ILKAP: variants seen among roughly 807,000 people sequenced by gnomAD.
ILKAP encodes the protein integrin-linked kinase-associated serine/threonine phosphatase 2C.
ILKAP carries 11 observed loss-of-function variants against 49.1 expected under a neutral mutation model. The ratio of observed to expected loss-of-function variants is 0.22; its 90% CI spans 0.14 to 0.37. The LOEUF is 0.37. Among genes scored for constraint, ILKAP ranks in the 10% least tolerant of loss-of-function variants. ILKAP has a pLI of 1.00. For synonymous variants in ILKAP, 186 were observed against 192.8 expected (o/e 0.96, Z 0.29); for missense variants, 363 against 510.8 (o/e 0.71, Z 2.79).
rs116056648 is a variant in ILKAP at position 238,184,965 on chromosome 2, G to A, written c.532+216C>T. Among the ~76,000 whole-genome samples, 398 of 152,238 alleles carry A rather than the reference G, an allele frequency of 2.6e-3. 1 individual carries two copies. Among genetic ancestry groups the A allele is most frequent in the African/African-American group, 9.3e-3 (387 of 41,544 alleles). ...TGAACCCAAAGACGATTGACAAAAGGTGCCTATCACTTAGAATCATGAGAA... is the reference window on the plus strand; with the variant it reads ...TGAACCCAAAGACGATTGACAAAAGATGCCTATCACTTAGAATCATGAGAA... On this transcript the variant is annotated intron_variant, in intron 6 of 11. Coordinates refer to ENST00000254654, the MANE Select transcript of ILKAP (RefSeq NM_030768.3).
At chr2:238,198,808 T>G (rs548841074) in intron 1 of ILKAP, among the ~76,000 whole-genome samples, 27 of 152,300 alleles carry the variant, frequency 1.8e-4, no homozygotes, top group Middle Eastern at 3.4e-3. Flanking sequence ...GGGTTGATCA[T>G]ATTCAGGTTA....
intron 10 of ILKAP, among the ~76,000 whole-genome samples, chr2:238,173,207 A>T (rs145734818): frequency 6.6e-6 from 1 of 152,082 alleles, no homozygotes; most frequent in Non-Finnish European, 1.5e-5. Context: ...TCACACTGTC[A>T]CATTTTAATG....
At chr2:238,201,805 GAA>G (rs34058768) in intron 1 of ILKAP, among the ~76,000 whole-genome samples, 22,698 of 152,132 alleles carry the variant, frequency 0.15, 2,205 homozygotes, top group East Asian at 0.36. Flanking sequence ...ATTGACAAGA[GAA>G]AAAAGACTGC....
chr2:238,172,580 GGA>G (rs1480334547), intron 10 of ILKAP, among the ~76,000 whole-genome samples: 1 of 152,212 alleles, frequency 6.6e-6, no homozygotes, highest in Non-Finnish European at 1.5e-5. Flanking sequence ...GGCGGCTGCT[GGA>G]GAGATGATGG....
chr2:238,172,395 C>T (rs182820345), intron 10 of ILKAP, among the ~76,000 whole-genome samples: 71 of 152,342 alleles, frequency 4.7e-4, no homozygotes, highest in Admixed American at 1.6e-3. Flanking sequence ...CGCTACTTGC[C>T]GAGCCTATCG....
intron 4 of ILKAP, among the ~76,000 whole-genome samples, chr2:238,188,916 T>C (rs1694011295): frequency 6.6e-6 from 1 of 152,242 alleles, no homozygotes; most frequent in African/African-American, 2.4e-5. Context: ...AAGTTGAAGA[T>C]GACATCTTCC....
intron 10 of ILKAP, among the ~76,000 whole-genome samples, chr2:238,172,753 C>T (rs1203021197): frequency 6.6e-6 from 1 of 152,256 alleles, no homozygotes; most frequent in East Asian, 1.9e-4. Context: ...CGGAGGCCCA[C>T]TCGCCACAGT....
rs748717287 is a variant in ILKAP at position 238,183,614 on chromosome 2, C to T, written c.714+39G>A. On this transcript the variant is annotated intron_variant, in intron 8 of 11. Coordinates refer to ENST00000254654, the MANE Select transcript of ILKAP (RefSeq NM_030768.3). ...GTGCTAAAGTCTTTTCCCCATAAAA[C>T]GTATTGTCATCTAAGTGGGTGGCTC... 5.0e-6 allele frequency: 7 copies of T among 1,393,254 alleles called. No homozygotes were observed. The African/African-American group carries it at 5.7e-5, about 11-fold the overall frequency. 86.3% of individuals were successfully genotyped at this position (1,393,254 alleles called of 1,614,324 possible). A position where few individuals can be genotyped will look rare whatever the true frequency, so the allele number is the denominator to read the frequency against.
chr2:238,194,423 C>T, intron 2 of ILKAP, 92 bp from the exon 3 acceptor site: 2 of 1,158,924 alleles, frequency 1.7e-6, no homozygotes, highest in Non-Finnish European at 2.6e-6. Flanking sequence ...ATGTAGGTTA[C>T]TGAAATAAAC....
intron 2 of ILKAP, 137 bp from the exon 3 acceptor site, chr2:238,194,468 C>T (rs1307152834): frequency 7.1e-6 from 5 of 704,704 alleles, no homozygotes; most frequent in Non-Finnish European, 1.3e-5. Context: ...GCAACTCATA[C>T]TGCAATGAAT....
At chr2:238,200,157 G>C (rs190897179) in intron 1 of ILKAP, among the ~76,000 whole-genome samples, 1 of 152,140 alleles carries the variant, frequency 6.6e-6, no homozygotes, top group Admixed American at 6.5e-5. Context: ...ACTTTTATGG[G>C]TATGACATAG....
At position 238,180,149 on chromosome 2, in the gene ILKAP, G is replaced by A. The variant is rs549717694; in HGVS notation, c.836+1916C>T. Among the ~76,000 whole-genome samples the A allele has an allele frequency of 1.0e-4, 15 of 149,476 alleles. No homozygotes were observed. The South Asian group carries it at 3.2e-3, about 31-fold the overall frequency. ...TCGTGCCACTGCACTCCAGGCAACA[G>A]ATCAAGATTCTCTCTCTCAAAAAAA... On this transcript the variant is annotated intron_variant, in intron 9 of 11. Coordinates refer to ENST00000254654, the MANE Select transcript of ILKAP (RefSeq NM_030768.3).
At chr2:238,195,201 T>C (rs531902747) in intron 1 of ILKAP, among the ~76,000 whole-genome samples, 4 of 152,282 alleles carry the variant, frequency 2.6e-5, no homozygotes, top group Admixed American at 1.3e-4. Context: ...TTCTTTAAAA[T>C]AGAATCCTGG....
At chr2:238,192,203 TAA>T (rs71402770) in intron 3 of ILKAP, among the ~76,000 whole-genome samples, 4 of 133,826 alleles carry the variant, frequency 3.0e-5, no homozygotes, top group Non-Finnish European at 3.1e-5. Flanking sequence ...GAGACTGTCT[TAA>T]AAAAAAAAAA....
Position 238,182,156 on chromosome 2 carries a change from G to T in ILKAP, c.745C>A (p.Gln249Lys), listed in dbSNP as rs780631845. Residue 249 changes from glutamine to lysine, a missense_variant, in exon 9 of 12, where the codon CAA becomes AAA. By Grantham distance (53) the Gln-to-Lys change is moderately conservative. Transcript: ENST00000254654. ...AILCRYNEES[Q>K]KHAALSLSKE... ...CTGAGGCTTAAGGCTGCATGTTTTT[G>T]ACTCTCCTCATTATAACGACACAAG... 4.3e-6 allele frequency: 7 copies of T among 1,613,754 alleles called. No individual in the cohort carries two copies. Among genetic ancestry groups the T allele is most frequent in the African/African-American group, 1.3e-5 (1 of 74,990 alleles).
chr2:238,179,235 G>C (rs1693590581), intron 9 of ILKAP, among the ~76,000 whole-genome samples: 1 of 152,168 alleles, frequency 6.6e-6, no homozygotes, highest in African/African-American at 2.4e-5. Context: ...ACAACACAAT[G>C]AATAGTCAGT....
intron 9 of ILKAP, among the ~76,000 whole-genome samples, chr2:238,175,332 A>G (rs899325177): frequency 2.0e-5 from 3 of 152,094 alleles, no homozygotes; most frequent in African/African-American, 7.2e-5. Flanking sequence ...AGCCTCAAGC[A>G]GTCCTCCCAC....
At chr2:238,175,833 G>C (rs1474758057) in intron 9 of ILKAP, among the ~76,000 whole-genome samples, 1 of 152,190 alleles carries the variant, frequency 6.6e-6, no homozygotes, top group Non-Finnish European at 1.5e-5. Context: ...CTGGAGTGCA[G>C]TGGCTATTCA....
chr2:238,198,451 T>C (rs1164706137), intron 1 of ILKAP, among the ~76,000 whole-genome samples: 1 of 152,166 alleles, frequency 6.6e-6, no homozygotes, highest in Non-Finnish European at 1.5e-5. Flanking sequence ...GTTGCCCAGG[T>C]TGGTCACGAA....
Sources: allele counts gnomAD v4.1 joint callset (sites outside exome capture counted in the v4.1 genomes callset), GRCh38; gene constraint gnomAD v4.1.1; transcripts MANE v1.5; gene names NCBI Gene and HGNC (gene_info 2026-07-23, HGNC 2026-07-21).